Variants in CIB1 observed in about 807,000 individuals in gnomAD.
CIB1 encodes calcium and integrin binding 1.
A neutral mutation model predicts 25.0 loss-of-function variants in CIB1; 19 were observed. The observed-to-expected ratio is 0.76, with a 90% CI of 0.53 to 1.12. The LOEUF (loss-of-function observed/expected upper bound fraction) is 1.12. Among genes scored for constraint, CIB1 ranks in the 50% most tolerant of loss-of-function variants. The pLI, the probability that CIB1 is intolerant of heterozygous loss-of-function variation, is 0.00. For synonymous variants in CIB1, 104 were observed against 98.5 expected, an observed-to-expected ratio of 1.06 and a Z score of -0.33; for missense variants, 236 against 242.6, an observed-to-expected ratio of 0.97 and a Z score of 0.18.
the CIB1 span, chr15:90,258,947 T>G: frequency 6.2e-7 from 1 of 1,614,106 alleles, no homozygotes. Context: ...GTGTCTGGCA[T>G]GTGTTTAGTT....
rs2151635043 is a variant in CIB1, at chr15:90,231,433, G to A, written c.270C>T (p.Asp90=). 6.2e-7 allele frequency: 1 copy of A among 1,614,252 alleles called. No individual in the cohort carries two copies. The highest frequency in any genetic ancestry group is 8.5e-7 in the Non-Finnish European group (1 of 1,180,042). ...TGAACACACTGAGGAGATCCAGGAAGTCCTCAAAGCTAAGGCTGTCTTTGG... is the reference window on the plus strand; with the variant it reads ...TGAACACACTGAGGAGATCCAGGAAATCCTCAAAGCTAAGGCTGTCTTTGG... ...SPAKDSLSFE[D]FLDLLSVFSD... is the part of the protein sequence containing the mutation. Residue 90 remains aspartate (D), a synonymous_variant, in exon 4 of 7, where the codon GAC becomes GAT. Coordinates refer to ENST00000328649, the MANE Select transcript of CIB1 (RefSeq NM_006384.4).
the CIB1 span, chr15:90,258,169 C>A: frequency 5.6e-6 from 9 of 1,614,124 alleles, no homozygotes; most frequent in Non-Finnish European, 6.8e-6. Context: ...AACTACCGAA[C>A]CTGTTTTCCC....
At chr15:90,252,412 C>G in the CIB1 span, among the ~76,000 whole-genome samples, 3 of 152,116 alleles carry the variant, frequency 2.0e-5, no homozygotes, top group African/African-American at 4.8e-5. Flanking sequence ...AACTCCTGGG[C>G]TCAAGTGATC....
chr15:90,232,944 GGAGAA>G (rs1443959766), intron 2 of CIB1, among the ~76,000 whole-genome samples: 1 of 150,074 alleles, frequency 6.7e-6, no homozygotes, highest in Non-Finnish European at 1.5e-5. Flanking sequence ...AAAAAAAAAC[GGAGAA>G]AAGAGCAAAA....
chr15:90,238,134 T>G (rs1025128326), upstream of CIB1, among the ~76,000 whole-genome samples: 3 of 152,056 alleles, frequency 2.0e-5, no homozygotes, highest in Non-Finnish European at 4.4e-5. Flanking sequence ...ACCTGGTCTT[T>G]CCTAAAAATA....
chr15:90,256,542 C>CCTTTTT, the CIB1 span, among the ~76,000 whole-genome samples: 1 of 146,322 alleles, frequency 6.8e-6, no homozygotes, highest in Non-Finnish European at 1.5e-5. Flanking sequence ...CTGTCTCCTT[C>CCTTTTT]CTTTTTCTTT....
chr15:90,265,587 C>CA, the CIB1 span: 2 of 1,410,716 alleles, frequency 1.4e-6, no homozygotes, highest in Non-Finnish European at 1.9e-6. Context: ...ATCTTACCCC[C>CA]ACCAAGTGAA....
Position 90,231,081 on chromosome 15 carries a change from G to A in CIB1, c.465+14C>T, listed in dbSNP as rs377200278. 6.2e-7 allele frequency: 1 copy of A among 1,613,484 alleles called. No homozygotes were observed. The highest frequency in any genetic ancestry group is 1.1e-5 in the South Asian group (1 of 91,068). ...ACTGCTCCCTCCCGCTCCCAGGCCTGCTCAGCTGCTCACGTTGTCGATGAG... is the reference window on the plus strand; with the variant it reads ...ACTGCTCCCTCCCGCTCCCAGGCCTACTCAGCTGCTCACGTTGTCGATGAG... On this transcript the variant is annotated intron_variant, in intron 5 of 6. Coordinates refer to ENST00000328649, the MANE Select transcript of CIB1 (RefSeq NM_006384.4).
chr15:90,230,824 A>G, intron 6 of CIB1, 110 bp downstream of exon 6: 4 of 1,001,788 alleles, frequency 4.0e-6, no homozygotes, highest in East Asian at 4.8e-5. Flanking sequence ...GTGTGTGGGG[A>G]CTGGGGCTTT....
chr15:90,265,636 C>G, the CIB1 span: 4 of 1,565,088 alleles, frequency 2.6e-6, no homozygotes, highest in Non-Finnish European at 3.5e-6. Context: ...TCCGGCCCGC[C>G]CCTTCCACTT....
chr15:90,239,402 G>A, the CIB1 span, among the ~76,000 whole-genome samples: 34 of 151,970 alleles, frequency 2.2e-4, no homozygotes, highest in African/African-American at 8.0e-4. Context: ...ATAAAGGAAA[G>A]AGGTTTTATT....
At chr15:90,243,713 A>T in the CIB1 span, 1 of 139,586 alleles carries the variant, frequency 7.2e-6, no homozygotes, top group East Asian at 2.1e-4. Context: ...CAGTGGTATG[A>T]AGACAGCTAA....
rs746208399 is a variant in CIB1, at chr15:90,231,462, G to A, written c.241C>T (p.Pro81Ser). The change falls in exon 4 of 7, where the codon CCA becomes TCA. Residue 81 changes from proline (P) to serine (S), a missense_variant. By Grantham distance (74) the Pro-to-Ser change is moderately conservative. Coordinates refer to ENST00000328649, the MANE Select transcript of CIB1 (RefSeq NM_006384.4). The stretch of plus-strand genomic sequence containing the variant: ...TCAAAGCTAAGGCTGTCTTTGGCTG[G>A]GGATGTGGAGAAGACCCTGCAGATT... ...ERICRVFSTS[P>S]AKDSLSFEDF... 11 of 1,614,104 alleles carry A rather than the reference G, an allele frequency of 6.8e-6. No homozygotes were observed. The highest frequency in any genetic ancestry group is 9.3e-6 in the Non-Finnish European group (11 of 1,180,046).
At chr15:90,260,154 C>T in the CIB1 span, among the ~76,000 whole-genome samples, 1 of 152,132 alleles carries the variant, frequency 6.6e-6, no homozygotes, top group African/African-American at 2.4e-5. Context: ...CAGTACTGGA[C>T]TAAATAAACA....
At chr15:90,257,323 G>C in the CIB1 span, 1 of 1,582,560 alleles carries the variant, frequency 6.3e-7, no homozygotes, top group Non-Finnish European at 8.6e-7. Flanking sequence ...ACTGCCAAAA[G>C]TGCTGAGGTT....
At chr15:90,254,589 TC>T in the CIB1 span, among the ~76,000 whole-genome samples, 1 of 148,768 alleles carries the variant, frequency 6.7e-6, no homozygotes, top group South Asian at 2.2e-4. Flanking sequence ...GTGCCTGAAA[TC>T]CCTTTGGGAA....
chr15:90,249,274 C>G, the CIB1 span, among the ~76,000 whole-genome samples: 50,053 of 149,790 alleles, frequency 0.33, 9,296 homozygotes, highest in East Asian at 0.69. Flanking sequence ...TATTTGTCCT[C>G]ATTATATGCT....
upstream of CIB1, among the ~76,000 whole-genome samples, chr15:90,235,439 G>A (rs2151637716): frequency 6.6e-6 from 1 of 152,212 alleles, no homozygotes; most frequent in Admixed American, 6.5e-5. Flanking sequence ...GGTTAAACCT[G>A]GGAGCTGGAG....
the CIB1 span, among the ~76,000 whole-genome samples, chr15:90,253,696 G>C: frequency 5.3e-5 from 8 of 152,194 alleles, no homozygotes; most frequent in Non-Finnish European, 1.2e-4. Context: ...AGAGCTAACA[G>C]CAGGGCCAGT....
Sources: allele counts gnomAD v4.1 joint callset (sites outside exome capture counted in the v4.1 genomes callset), GRCh38; gene constraint gnomAD v4.1.1; transcripts MANE v1.5; gene names NCBI Gene and HGNC (gene_info 2026-07-23, HGNC 2026-07-21).